The following COL8A2 variants were observed in gnomAD, a reference collection of about 807,000 sequenced individuals.
COL8A2 encodes collagen type VIII alpha 2 chain, also known as collagen alpha-2(VIII) chain.
In COL8A2, 16 loss-of-function variants were observed where a neutral mutation model predicts 24.0. The ratio of observed to expected loss-of-function variants is 0.67; its 90% confidence interval spans 0.45 to 1.01. The LOEUF is 1.01. Among genes scored for constraint, COL8A2 ranks in the 50% least tolerant of loss-of-function variants. The probability of loss-of-function intolerance (pLI) is 0.00; values close to 1 mark genes in which losing one functional copy is unlikely to be tolerated. For missense variants in COL8A2, 818 were observed against 942.4 expected, an observed-to-expected ratio of 0.87 and a Z score of 1.73; for synonymous variants, 466 against 424.5, an observed-to-expected ratio of 1.10 and a Z score of -1.20.
intron 3 of COL8A2, 33 bp downstream of exon 3, chr1:36,100,017 A>G: frequency 6.2e-7 from 1 of 1,600,442 alleles, no homozygotes; most frequent in Non-Finnish European, 8.6e-7. Context: ...GCTGGGAGCG[A>G]TTTGAGGCAC....
Position 36,098,981 on chromosome 1 carries a change from C to T in COL8A2, c.700G>A (p.Ala234Thr). Residue 234 changes from alanine (A) to threonine (T), a missense_variant, in exon 4 of 4, where the codon GCT becomes ACT. Physicochemically the swap from Ala to Thr is moderately conservative, Grantham distance 58 (BLOSUM62 0). Around this residue, in one of 3 missense-constraint regions of COL8A2, gnomAD observed 573 missense variants for 616.8 expected, o/e 0.93. Transcript: ENST00000397799. ...APGPPGLPGP[A>T]GLGKPGLDGL... is the part of the protein sequence containing the mutation. ...TCCAAACCAGGTTTGCCTAAGCCAG[C>T]TGGACCAGGGAGGCCGGGGGGGCCG... The T allele has an allele frequency of 6.2e-7, 1 of 1,604,460 alleles. No individual in the cohort carries two copies. The highest frequency in any genetic ancestry group is 8.5e-7 in the Non-Finnish European group (1 of 1,174,202).
Position 36,106,278 on chromosome 1 carries a change from A to C in COL8A2, c.-16-6020T>G, listed in dbSNP as rs367866696. On this transcript the variant is annotated intron_variant, in intron 2 of 3. Coordinates refer to ENST00000397799, the MANE Select transcript of COL8A2 (RefSeq NM_005202.4). ...GACTCCGTCAAAAAAAAAACAACAA[A>C]AAAAAAAACGAGATGAGGAAACTGC... 3.4e-3 allele frequency among the ~76,000 whole-genome samples: 509 copies of C among 151,764 alleles called. 1 individual carries two copies. Among genetic ancestry groups the C allele is most frequent in the Middle Eastern group, 0.01 (3 of 294 alleles).
In COL8A2 at chr1:36,100,101, G is replaced by T. The variant is rs139883374; in HGVS notation, c.142C>A (p.Gln48Lys). 2.3e-5 allele frequency: 37 copies of T among 1,612,810 alleles called. No homozygotes were observed. The African/African-American group carries it at 4.4e-4, about 19-fold the overall frequency. Residue 48 changes from glutamine (Q) to lysine (K), a missense_variant, in exon 3 of 4, where the codon CAG (glutamine) becomes AAG (lysine). Coordinates refer to ENST00000397799, the MANE Select transcript of COL8A2 (RefSeq NM_005202.4). ...AAGGGCGGTCCCACAGGTCCTTTCTGCATGGGCTGGATGTACTTCACTGGG... is the reference window on the plus strand; with the variant it reads ...AAGGGCGGTCCCACAGGTCCTTTCTTCATGGGCTGGATGTACTTCACTGGG... ...YAPVKYIQPM[Q>K]KGPVGPPFRE...
chr1:36,098,821 C>G lies in COL8A2; in HGVS notation c.860G>C (p.Gly287Ala), dbSNP rs1643621916. ...TGATGGGCCCTGTGGTCCTGGCAAC[C>G]CTGCTGCCCCTGGGACTCCCACACC... ...VDGVGVPGAA[G>A]LPGPQGPSGA... Residue 287 changes from glycine (G) to alanine (A), a missense_variant, in exon 4 of 4, where the codon GGG becomes GCG. Coordinates refer to ENST00000397799, the MANE Select transcript of COL8A2 (RefSeq NM_005202.4). 3.1e-6 allele frequency: 5 copies of G among 1,612,198 alleles called. No individual in the cohort carries two copies. Among genetic ancestry groups the G allele is most frequent in the Non-Finnish European group, 4.2e-6 (5 of 1,179,748 alleles).
intron 2 of COL8A2, among the ~76,000 whole-genome samples, chr1:36,112,124 C>G (rs1643851507): frequency 6.6e-6 from 1 of 152,212 alleles, no homozygotes. Context: ...CTGCCTCAGC[C>G]TCCCGAGTAG....
intron 2 of COL8A2, among the ~76,000 whole-genome samples, chr1:36,113,130 C>G (rs532549628): frequency 6.6e-6 from 1 of 152,150 alleles, no homozygotes; most frequent in Non-Finnish European, 1.5e-5. Context: ...CTAAGAGTCA[C>G]GGGGGTAAGG....
intron 2 of COL8A2, among the ~76,000 whole-genome samples, chr1:36,104,221 G>C (rs995699343): frequency 6.6e-6 from 1 of 151,576 alleles, no homozygotes; most frequent in African/African-American, 2.4e-5. Context: ...GCCAGGCGCA[G>C]TGGCTCGTGC....
At chr1:36,120,959 C>T (rs1380808238) in intron 1 of COL8A2, among the ~76,000 whole-genome samples, 1 of 146,290 alleles carries the variant, frequency 6.8e-6, no homozygotes, top group African/African-American at 2.5e-5. Flanking sequence ...CCTGGTGGTG[C>T]ACACCTGTAA....
chr1:36,097,252 GGAGTT>G lies in COL8A2; in HGVS notation c.*312_*316del. On this transcript the variant is annotated 3_prime_UTR_variant, in exon 4 of 4. Transcript: ENST00000397799. Reference sequence around the variant, plus strand: ...GCTGTCTCCCCACGTGGCGGGGTGGGGAGTTGAGCTCCCTCTCAGCTCCTTCAGGG... The same window carrying G: ...GCTGTCTCCCCACGTGGCGGGGTGGGGAGCTCCCTCTCAGCTCCTTCAGGG... The G allele has an allele frequency of 3.7e-6, 1 of 268,584 alleles. No homozygotes were observed. The highest frequency in any genetic ancestry group is 7.3e-5 in the East Asian group (1 of 13,754). 16.6% of individuals were successfully genotyped at this position (268,584 alleles called of 1,614,324 possible).
At chr1:36,121,388 C>CAAAAAAAAAAAAAAAAAAAAAAAA (rs57902365) in intron 1 of COL8A2, among the ~76,000 whole-genome samples, 1 of 47,636 alleles carries the variant, frequency 2.1e-5, no homozygotes, top group Non-Finnish European at 3.8e-5. Context: ...GACTCTGTCT[C>CAAAAAAAAAAAAAAAAAAAAAAAA]AAAAAAAAAA....
intron 1 of COL8A2, among the ~76,000 whole-genome samples, chr1:36,120,224 C>T (rs990626756): frequency 8.5e-5 from 13 of 152,144 alleles, no homozygotes; most frequent in East Asian, 1.9e-4. Flanking sequence ...GAGGCTCAGG[C>T]GGGCGGATCA....
Position 36,102,664 on chromosome 1 carries a change from G to GTTTTTTTTT in COL8A2, c.-16-2407_-16-2406insAAAAAAAAA, listed in dbSNP as rs201487516. 7.8e-4 allele frequency among the ~76,000 whole-genome samples: 74 copies of GTTTTTTTTT among 94,780 alleles called. 10 individuals are homozygous for GTTTTTTTTT. Among genetic ancestry groups the GTTTTTTTTT allele is most frequent in the South Asian group, 1.3e-3 (4 of 3,050 alleles). The allele number at this position is 94,780 out of a possible 152,430, so 62.2% of individuals were successfully genotyped here. On this transcript the variant is annotated intron_variant, in intron 2 of 3. Transcript: ENST00000397799. ...TGTGTGAATTATATCTATAAAGCTG[G>GTTTTTTTTT]TTTTTTGTTTTTTTTTTTTTTTTTT...
rs753332635 is a variant in COL8A2 at position 36,099,210 on chromosome 1, G to T, written c.471C>A (p.Pro157=). Residue 157 remains proline (P), a synonymous_variant, in exon 4 of 4, where the codon CCC becomes CCA. Coordinates refer to ENST00000397799, the MANE Select transcript of COL8A2 (RefSeq NM_005202.4). ...GIRGDQGLRG[P]PGPPGLPGPS... ...GGCCCGGGAGGCCAGGGGGTCCTGG[G>T]GGTCCCCGGAGGCCCTGGTCCCCTC... 5.2e-6 allele frequency: 8 copies of T among 1,533,162 alleles called. No individual in the cohort carries two copies. In the African/African-American group the frequency reaches 1.1e-4, roughly 21 times the overall value. 95.0% of individuals were successfully genotyped at this position (1,533,162 alleles called of 1,614,324 possible).
intron 2 of COL8A2, among the ~76,000 whole-genome samples, chr1:36,111,292 C>G (rs1557744832): frequency 6.6e-6 from 1 of 152,170 alleles, no homozygotes; most frequent in African/African-American, 2.4e-5. Flanking sequence ...ACTCACTCCC[C>G]CTCCACCCTC....
chr1:36,100,547 ACT>A (rs765939251), intron 2 of COL8A2, among the ~76,000 whole-genome samples: 2 of 151,756 alleles, frequency 1.3e-5, no homozygotes, highest in East Asian at 3.9e-4. Flanking sequence ...CCAGCCAGTC[ACT>A]CTCTGCAGCC....
At chr1:36,102,385 C>T (rs1215551495) in intron 2 of COL8A2, among the ~76,000 whole-genome samples, 4 of 152,236 alleles carry the variant, frequency 2.6e-5, no homozygotes, top group East Asian at 3.9e-4. Flanking sequence ...GGCACAGCCT[C>T]GGCCTCCCGG....
rs572003791 is a variant in COL8A2 at position 36,125,156 on chromosome 1, G to T, written c.-161C>A. The T allele has an allele frequency of 3.7e-6, 2 of 538,570 alleles. No individual in the cohort carries two copies. Among genetic ancestry groups the T allele is most frequent in the South Asian group, 7.9e-5 (1 of 12,606 alleles). 33.4% of individuals were successfully genotyped at this position (538,570 alleles called of 1,614,324 possible). The stretch of plus-strand genomic sequence containing the variant: ...GTCCGCGGCTGGGCGGGCGGCGTTG[G>T]GGTCCGGGGTCCGCGCCGGCGGGGT... On this transcript the variant is annotated 5_prime_UTR_variant, in exon 1 of 4. Transcript: ENST00000397799. The surrounding 1 kb of genome is among the most constrained non-coding windows in gnomAD (Gnocchi z 4.5).
intron 2 of COL8A2, among the ~76,000 whole-genome samples, chr1:36,114,380 C>T (rs11579904): frequency 0.69 from 104,508 of 150,722 alleles, 37,977 homozygotes; most frequent in Non-Finnish European, 0.82. Context: ...AGGAGGCCCA[C>T]GGATTCCCCC....
intron 2 of COL8A2, among the ~76,000 whole-genome samples, chr1:36,106,545 C>T (rs1643764565): frequency 2.0e-5 from 3 of 152,106 alleles, no homozygotes; most frequent in South Asian, 2.1e-4. Context: ...GGCAGGAAGC[C>T]GAGGGAGGGG....
Sources: gnomAD v4.1 joint callset for allele counts (sites outside exome capture counted in the v4.1 genomes callset) on GRCh38, gnomAD v4.1.1 for gene constraint, gnomAD v4.1.1 regional missense constraint, Gnocchi (gnomAD v3.1) non-coding constraint, MANE v1.5 for transcripts, NCBI Gene and HGNC (gene_info 2026-07-23, HGNC 2026-07-21) for gene names.